GRM1: variants seen among roughly 807,000 people sequenced by gnomAD.
GRM1 encodes glutamate metabotropic receptor 1.
Under a neutral mutation model 90.9 loss-of-function variants are expected in GRM1, and 33 were observed. That is an observed-to-expected ratio of 0.36 (90% CI 0.28 to 0.49). GRM1 has a LOEUF of 0.49. Ranked by LOEUF, GRM1 falls within the 20% of genes least tolerant of loss-of-function variation. The pLI is 0.99. For synonymous variants in GRM1, 700 were observed against 613.2 expected (o/e 1.14, Z -2.09); for missense variants, 1,190 against 1,534.3 (o/e 0.78, Z 3.75).
At chr6:146,386,700 A>G (rs780885108) in intron 5 of GRM1, among the ~76,000 whole-genome samples, 190 bp from the exon 6 acceptor site, 20 of 152,118 alleles carry the variant, frequency 1.3e-4, no homozygotes, top group African/African-American at 4.6e-4. Context: ...GAATGAATTG[A>G]CAATTCCATC....
intron 6 of GRM1, among the ~76,000 whole-genome samples, chr6:146,396,090 A>ATCTATCTATCTATCTATCTG (rs1554307315): frequency 0.062 from 9,385 of 150,590 alleles, 357 homozygotes; most frequent in Non-Finnish European, 0.084. Flanking sequence ...CTATCTATCT[A>ATCTATCTATCTATCTATCTG]TCTATCTATC....
intron 7 of GRM1, among the ~76,000 whole-genome samples, chr6:146,411,620 T>C (rs2114627221): frequency 6.6e-6 from 1 of 152,200 alleles, no homozygotes; most frequent in Non-Finnish European, 1.5e-5. Context: ...GAGCCTGAGC[T>C]CCAGGAGGAG....
intron 1 of GRM1, among the ~76,000 whole-genome samples, chr6:146,088,630 T>G (rs1251656964): frequency 6.6e-6 from 1 of 152,124 alleles, no homozygotes; most frequent in Non-Finnish European, 1.5e-5. Flanking sequence ...AGGATGCCAG[T>G]AGATGTCATT....
chr6:146,368,767 T>A (rs1775793755), intron 5 of GRM1, among the ~76,000 whole-genome samples: 3 of 152,090 alleles, frequency 2.0e-5, no homozygotes, highest in African/African-American at 7.2e-5. Flanking sequence ...TTGTTGAGGA[T>A]TTTTGCATTT....
intron 2 of GRM1, among the ~76,000 whole-genome samples, chr6:146,191,260 G>A (rs945695084): frequency 6.6e-6 from 1 of 152,142 alleles, no homozygotes; most frequent in Admixed American, 6.5e-5. Context: ...ATGGTCTGTG[G>A]ACCGGGGTGA....
Position 146,399,398 on chromosome 6 carries a change from A to G in GRM1, c.2359A>G (p.Ile787Val). 1 of 1,614,130 alleles carries G rather than the reference A, an allele frequency of 6.2e-7. No homozygotes were observed. The highest frequency in any genetic ancestry group is 8.5e-7 in the Non-Finnish European group (1 of 1,180,022). Residue 787 changes from isoleucine (I) to valine (V), a missense_variant, in exon 7 of 8, where the codon ATC (isoleucine) becomes GTC (valine). Coordinates refer to ENST00000282753, the MANE Select transcript of GRM1 (RefSeq NM_001278064.2). This position sits in a 1 kb window ranked among gnomAD's most constrained non-coding sequence, Gnocchi z 5.4. ...CGCCAACTTCAACGAGGCCAAATAT[A>G]TCGCGTTCACCATGTACACCACCTG... The part of the protein sequence containing the change: ...VPANFNEAKY[I>V]AFTMYTTCII...
chr6:146,094,674 G>A (rs1776819845), intron 1 of GRM1, among the ~76,000 whole-genome samples: 1 of 151,994 alleles, frequency 6.6e-6, no homozygotes, highest in South Asian at 2.1e-4. Flanking sequence ...TATTCTAAAT[G>A]GCAAAGACTC....
In GRM1 at chr6:146,411,812, G is replaced by T. The variant is rs181452250; in HGVS notation, c.2660+12113G>T. 5.3e-5 allele frequency among the ~76,000 whole-genome samples: 8 copies of T among 152,286 alleles called. 1 individual carries two copies. In the East Asian group the frequency reaches 1.4e-3, roughly 26 times the overall value. ...AGAGACATGCCTTTGCCTCAGGATT[G>T]TTGGGCTACAAGACCTATAAAAGTT... On this transcript the variant is annotated intron_variant, in intron 7 of 7. Coordinates refer to ENST00000282753, the MANE Select transcript of GRM1 (RefSeq NM_001278064.2).
At chr6:146,378,478 G>A (rs766614182) in intron 5 of GRM1, among the ~76,000 whole-genome samples, 1 of 152,198 alleles carries the variant, frequency 6.6e-6, no homozygotes, top group Non-Finnish European at 1.5e-5. Flanking sequence ...AGTCAAAAGA[G>A]ATAATTTTGG....
intron 3 of GRM1, among the ~76,000 whole-genome samples, chr6:146,316,809 A>C (rs940684717): frequency 1.3e-5 from 2 of 152,090 alleles, no homozygotes; most frequent in African/African-American, 4.8e-5. Context: ...TTTGAGGGCC[A>C]GGCGGCTGTC....
intron 3 of GRM1, among the ~76,000 whole-genome samples, chr6:146,321,979 G>C (rs1784205565): frequency 1.3e-5 from 2 of 152,034 alleles, no homozygotes; most frequent in East Asian, 3.9e-4. Context: ...GAGGAGCTGT[G>C]ATCGTTTGGA....
At chr6:146,203,433 T>C (rs1779390323) in intron 2 of GRM1, among the ~76,000 whole-genome samples, 1 of 152,102 alleles carries the variant, frequency 6.6e-6, no homozygotes. Flanking sequence ...GAAAAGTGAA[T>C]GTAGGAGTGC....
chr6:146,126,220 C>A (rs1311418659), intron 1 of GRM1, among the ~76,000 whole-genome samples: 2 of 152,006 alleles, frequency 1.3e-5, no homozygotes, highest in Non-Finnish European at 2.9e-5. Context: ...AAAATACATT[C>A]TTGACAATGA....
At chr6:146,072,742 A>T (rs1776055823) in intron 1 of GRM1, among the ~76,000 whole-genome samples, 1 of 152,268 alleles carries the variant, frequency 6.6e-6, no homozygotes, top group African/African-American at 2.4e-5. Flanking sequence ...AAAGCAAAAG[A>T]CAATAAACTG....
intron 3 of GRM1, among the ~76,000 whole-genome samples, chr6:146,315,715 G>A (rs963997585): frequency 2.0e-5 from 3 of 152,126 alleles, no homozygotes; most frequent in African/African-American, 7.2e-5. Flanking sequence ...TAAAATTTAT[G>A]AGCCATTTAA....
At chr6:146,187,738 C>CATATATATATATATATATATATATATAT (rs10656760) in intron 2 of GRM1, among the ~76,000 whole-genome samples, 1 of 148,440 alleles carries the variant, frequency 6.7e-6, no homozygotes, top group African/African-American at 2.5e-5. Context: ...AGGCACAAAA[C>CATATATATATATATATATATATATATAT]ATATATATAT....
rs988699004 is a variant in GRM1 at position 146,352,423 on chromosome 6, C to G, written c.1360C>G (p.Leu454Val). The part of the protein sequence containing the change: ...PIDGSKLLDF[L>V]IKSSFIGVSG... ...CGACGGCAGCAAGCTGCTGGACTTC[C>G]TCATCAAGTCCTCATTCATTGGAGT... The change falls in exon 4 of 8, where the codon CTC (leucine) becomes GTC (valine). Residue 454 changes from leucine to valine, a missense_variant. This residue lies in a region of GRM1 where 414 missense variants were observed against 598.4 expected (regional missense o/e 0.69). Coordinates refer to ENST00000282753, the MANE Select transcript of GRM1 (RefSeq NM_001278064.2). 3 of 1,613,258 alleles carry G rather than the reference C, an allele frequency of 1.9e-6. No individual in the cohort carries two copies. Among genetic ancestry groups the G allele is most frequent in the Non-Finnish European group, 2.5e-6 (3 of 1,179,192 alleles).
chr6:146,074,204 C>G (rs1354104001), intron 1 of GRM1, among the ~76,000 whole-genome samples: 4 of 152,138 alleles, frequency 2.6e-5, no homozygotes, highest in African/African-American at 9.7e-5. Context: ...CCTCACATTT[C>G]TTCTCCTCCT....
intron 2 of GRM1, among the ~76,000 whole-genome samples, chr6:146,294,101 T>C (rs1310870446): frequency 6.6e-6 from 1 of 151,726 alleles, no homozygotes; most frequent in East Asian, 1.9e-4. Flanking sequence ...TTCCCCCAAT[T>C]TTATTATTTT....
Sources: allele counts gnomAD v4.1 joint callset (sites outside exome capture counted in the v4.1 genomes callset), GRCh38; gene constraint gnomAD v4.1.1; regional missense constraint gnomAD v4.1.1; non-coding constraint Gnocchi (gnomAD v3.1); transcripts MANE v1.5; gene names NCBI Gene and HGNC (gene_info 2026-07-23, HGNC 2026-07-21).